The following C1GALT1C1L variants were observed in gnomAD, a reference collection of about 807,000 sequenced individuals.
The protein encoded by C1GALT1C1L is C1GALT1 specific chaperone 1 like.
Under a neutral mutation model 0.5 loss-of-function variants are expected in C1GALT1C1L, and 1 was observed. That is an observed-to-expected ratio of 2.11 (90% CI 0.75 to 10.02). C1GALT1C1L has a LOEUF of 10.02. C1GALT1C1L is among the 30% of genes most tolerant of loss of function. The pLI, the probability that C1GALT1C1L is intolerant of heterozygous loss-of-function variation, is 0.13. For synonymous variants in C1GALT1C1L, 148 were observed against 132.6 expected (o/e 1.12, Z -0.80); for missense variants, 444 against 375.5 (o/e 1.18, Z -1.51).
In C1GALT1C1L at chr2:43,675,573, C is replaced by T. The variant is rs1057419044; in HGVS notation, c.750G>A (p.Gln250=). 1.9e-6 allele frequency: 3 copies of T among 1,613,556 alleles called. No individual in the cohort carries two copies. Among genetic ancestry groups the T allele is most frequent in the African/African-American group, 2.7e-5 (2 of 74,944 alleles). Residue 250 remains glutamine, a synonymous_variant, in exon 1 of 1, where the codon CAG becomes CAA. Coordinates refer to ENST00000475092, the MANE Select transcript of C1GALT1C1L (RefSeq NM_001101330.3). The stretch of plus-strand genomic sequence containing the variant: ...TATTAGACAATGCCTCTTCAATAAG[C>T]TGTGCGATTGGTTTTGTATTAAATA... ...RDVFNTKPIA[Q]LIEEALSNNP...
rs750548400 is a variant in C1GALT1C1L, at chr2:43,675,545, G to A, written c.778C>T (p.Pro260Ser). The A allele has an allele frequency of 3.1e-6, 5 of 1,613,768 alleles. No individual in the cohort carries two copies. Among genetic ancestry groups the A allele is most frequent in the Non-Finnish European group, 4.2e-6 (5 of 1,179,870 alleles). ...QLIEEALSNN[P>S]QQVVEGCCSD... ...CAGCAGCCTTCTACTACTTGCTGAG[G>A]GTTATTAGACAATGCCTCTTCAATA... The change falls in exon 1 of 1, where the codon CCT becomes TCT. Residue 260 changes from proline to serine, a missense_variant. Transcript: ENST00000475092.
Position 43,675,453 on chromosome 2 carries a change from C to G in C1GALT1C1L, c.870G>C (p.Leu290=), listed in dbSNP as rs1477430923. 2 of 1,613,566 alleles carry G rather than the reference C, an allele frequency of 1.2e-6. No homozygotes were observed. The highest frequency in any genetic ancestry group is 1.3e-5 in the African/African-American group (1 of 75,026). ...PQKMEVMMYG[L]YRLRAFGHYF... is the part of the protein sequence containing the mutation. ...AGTGTCCAAATGCCCTGAGCCGGTACAGGCCATACATCATTACTTCCATCT... is the reference window on the plus strand; with the variant it reads ...AGTGTCCAAATGCCCTGAGCCGGTAGAGGCCATACATCATTACTTCCATCT... The change falls in exon 1 of 1, where the codon CTG becomes CTC. Residue 290 remains leucine (L), a synonymous_variant. Coordinates refer to ENST00000475092, the MANE Select transcript of C1GALT1C1L (RefSeq NM_001101330.3).
In C1GALT1C1L at chr2:43,676,000, A is replaced by G. The variant is rs1419808045; in HGVS notation, c.323T>C (p.Leu108Ser). Residue 108 changes from leucine to serine, a missense_variant, in exon 1 of 1, where the codon TTG (leucine) becomes TCG (serine). Leu to Ser is a moderately radical substitution (Grantham distance 145). Coordinates refer to ENST00000475092, the MANE Select transcript of C1GALT1C1L (RefSeq NM_001101330.3). ...CCTGTCATTACTTTCTATATTGAAC[A>G]AATTATCATTTTTAGTATCGTAGAG... Reference protein sequence around the residue: ...AELYDTKNDNLFNIESNDRWV... With the variant: ...AELYDTKNDNSFNIESNDRWV... The G allele has an allele frequency of 7.4e-6, 12 of 1,613,930 alleles. No individual in the cohort carries two copies. Among genetic ancestry groups the G allele is most frequent in the Non-Finnish European group, 1.0e-5 (12 of 1,179,902 alleles).
At position 43,676,364 on chromosome 2, in the gene C1GALT1C1L, T is replaced by C; in HGVS notation, c.-42A>G. 3 of 1,502,290 alleles carry C rather than the reference T, an allele frequency of 2.0e-6. No individual in the cohort carries two copies. The highest frequency in any genetic ancestry group is 2.7e-6 in the Non-Finnish European group (3 of 1,115,158). The allele number at this position is 1,502,290 out of a possible 1,614,324, so 93.1% of individuals were successfully genotyped here. On this transcript the variant is annotated 5_prime_UTR_variant, in exon 1 of 1. Coordinates refer to ENST00000475092, the MANE Select transcript of C1GALT1C1L (RefSeq NM_001101330.3). ...CAGTGTGCCAGGGTCAAAGGCAGCC[T>C]GGGACCGGGTCCTGGGGTCCCGCGC...
rs778443059 is a variant in C1GALT1C1L, at chr2:43,675,864, C to G, written c.459G>C (p.Lys153Asn). 1 of 1,614,064 alleles carries G rather than the reference C, an allele frequency of 6.2e-7. No homozygotes were observed. Among genetic ancestry groups the G allele is most frequent in the Non-Finnish European group, 8.5e-7 (1 of 1,179,954 alleles). ...PTTFAVIENLKYLLFTRDASQ... is the reference protein window; with the variant it reads ...PTTFAVIENLNYLLFTRDASQ... ...ATGCATCCCTTGTAAACAAAAGGTACTTTAAATTTTCAATGACAGCAAACG... is the reference window on the plus strand; with the variant it reads ...ATGCATCCCTTGTAAACAAAAGGTAGTTTAAATTTTCAATGACAGCAAACG... Residue 153 changes from lysine (K) to asparagine (N), a missense_variant, in exon 1 of 1, where the codon AAG becomes AAC. Transcript: ENST00000475092.
Position 43,676,155 on chromosome 2 carries a change from A to T in C1GALT1C1L, c.168T>A (p.Thr56=). 6.2e-7 allele frequency: 1 copy of T among 1,614,038 alleles called. No individual in the cohort carries two copies. Among genetic ancestry groups the T allele is most frequent in the Non-Finnish European group, 8.5e-7 (1 of 1,179,900 alleles). ...RPPNRNDFLN[T]SKVILLELSK... ...TGAGCTCCAAGAGTATCACTTTTGA[A>T]GTGTTTAAGAAATCGTTCCTGTTAG... Residue 56 remains threonine (T), a synonymous_variant, in exon 1 of 1, where the codon ACT becomes ACA. Transcript: ENST00000475092.
chr2:43,675,775 C>G lies in C1GALT1C1L; in HGVS notation c.548G>C (p.Gly183Ala), dbSNP rs752900759. ...CAACTCTCTGCTTAAGACAATCCCT[C>G]CTTCCACAGTCACGTATTCGAGGTC... ...FGDLEYVTVE[G>A]GIVLSRELMK... Residue 183 changes from glycine to alanine, a missense_variant, in exon 1 of 1, where the codon GGA (glycine) becomes GCA (alanine). Gly to Ala is a moderately conservative substitution (Grantham distance 60, BLOSUM62 0). Transcript: ENST00000475092. 1.9e-6 allele frequency: 3 copies of G among 1,613,690 alleles called. No individual in the cohort carries two copies. Among genetic ancestry groups the G allele is most frequent in the South Asian group, 2.2e-5 (2 of 90,998 alleles).
Position 43,675,811 on chromosome 2 carries a change from A to G in C1GALT1C1L, c.512T>C (p.Val171Ala), listed in dbSNP as rs1006929892. 6.2e-6 allele frequency: 10 copies of G among 1,613,778 alleles called. No homozygotes were observed. In the East Asian group the frequency reaches 1.3e-4, roughly 22 times the overall value. The change falls in exon 1 of 1, where the codon GTT becomes GCT. Residue 171 changes from valine (V) to alanine (A), a missense_variant. Val to Ala is a moderately conservative substitution (Grantham distance 64, BLOSUM62 0). Transcript: ENST00000475092. Reference protein sequence around the residue: ...ASQPFYLGHTVIFGDLEYVTV... With the variant: ...ASQPFYLGHTAIFGDLEYVTV... ...CACGTATTCGAGGTCTCCAAATATA[A>G]CAGTGTGGCCCAGATAGAAGGGCTG...
chr2:43,676,129 C>G lies in C1GALT1C1L; in HGVS notation c.194G>C (p.Ser65Thr). ...NTSKVILLEL[S>T]KSIRVFCIIF... The stretch of plus-strand genomic sequence containing the variant: ...GATACAGAAAACACGAATACTTTTA[C>G]TGAGCTCCAAGAGTATCACTTTTGA... Residue 65 changes from serine (S) to threonine (T), a missense_variant, in exon 1 of 1, where the codon AGT (serine) becomes ACT (threonine). Ser to Thr is a moderately conservative substitution (Grantham distance 58, BLOSUM62 1). Transcript: ENST00000475092. 9.3e-6 allele frequency: 15 copies of G among 1,614,010 alleles called. No homozygotes were observed. Among genetic ancestry groups the G allele is most frequent in the African/African-American group, 1.3e-5 (1 of 75,060 alleles).
chr2:43,676,139 A>G lies in C1GALT1C1L; in HGVS notation c.184T>C (p.Leu62=), dbSNP rs770255537. The G allele has an allele frequency of 1.9e-6, 3 of 1,614,022 alleles. No homozygotes were observed. Among genetic ancestry groups the G allele is most frequent in the Non-Finnish European group, 1.7e-6 (2 of 1,179,886 alleles). The change falls in exon 1 of 1, where the codon TTG becomes CTG. Residue 62 remains leucine (L), a synonymous_variant. Transcript: ENST00000475092. The part of the protein sequence containing the change: ...DFLNTSKVIL[L]ELSKSIRVFC... ...ACACGAATACTTTTACTGAGCTCCA[A>G]GAGTATCACTTTTGAAGTGTTTAAG...
Position 43,676,062 on chromosome 2 carries a change from C to T in C1GALT1C1L, c.261G>A (p.Leu87=), listed in dbSNP as rs1194704884. The T allele has an allele frequency of 4.3e-6, 7 of 1,613,750 alleles. No individual in the cohort carries two copies. Among genetic ancestry groups the T allele is most frequent in the African/African-American group, 1.3e-5 (1 of 74,898 alleles). Residue 87 remains leucine (L), a synonymous_variant, in exon 1 of 1, where the codon CTG becomes CTA. Transcript: ENST00000475092. ...CACAGTGTTTGGTCCAGGTCTCTTT[C>T]AGTACAGCCCAGTAACTCTCATCTT... ...ESEDESYWAV[L]KETWTKHCDK... is the part of the protein sequence containing the mutation.
Position 43,675,691 on chromosome 2 carries a change from A to C in C1GALT1C1L, c.632T>G (p.Ile211Ser), listed in dbSNP as rs1294348491. The change falls in exon 1 of 1, where the codon ATT becomes AGT. Residue 211 changes from isoleucine (I) to serine (S), a missense_variant. Transcript: ENST00000475092. Reference protein sequence around the residue: ...NSETCADQSVIWKLSEDKQLA... With the variant: ...NSETCADQSVSWKLSEDKQLA... ...CTGCTTATCTTCAGATAACTTCCAA[A>C]TCACACTTTGATCTGCACAGGTCTC... 2 of 1,613,818 alleles carry C rather than the reference A, an allele frequency of 1.2e-6. No individual in the cohort carries two copies. The highest frequency in any genetic ancestry group is 1.7e-6 in the Non-Finnish European group (2 of 1,179,888).
Position 43,675,991 on chromosome 2 carries a change from A to C in C1GALT1C1L, c.332T>G (p.Ile111Arg). 6.2e-7 allele frequency: 1 copy of C among 1,613,974 alleles called. No individual in the cohort carries two copies. Among genetic ancestry groups the C allele is most frequent in the Non-Finnish European group, 8.5e-7 (1 of 1,179,886 alleles). ...CTGTACCCACCTGTCATTACTTTCT[A>C]TATTGAACAAATTATCATTTTTAGT... ...YDTKNDNLFN[I>R]ESNDRWVQMR... Residue 111 changes from isoleucine (I) to arginine (R), a missense_variant, in exon 1 of 1, where the codon ATA becomes AGA. Ile to Arg is a moderately conservative substitution (Grantham distance 97). Transcript: ENST00000475092.
Position 43,676,156 on chromosome 2 carries a change from G to T in C1GALT1C1L, c.167C>A (p.Thr56Asn), listed in dbSNP as rs1437881063. The change falls in exon 1 of 1, where the codon ACT becomes AAT. Residue 56 changes from threonine (T) to asparagine (N), a missense_variant. Transcript: ENST00000475092. Reference sequence around the variant, plus strand: ...GAGCTCCAAGAGTATCACTTTTGAAGTGTTTAAGAAATCGTTCCTGTTAGG... The same window carrying T: ...GAGCTCCAAGAGTATCACTTTTGAATTGTTTAAGAAATCGTTCCTGTTAGG... ...RPPNRNDFLN[T>N]SKVILLELSK... The T allele has an allele frequency of 1.2e-6, 2 of 1,614,030 alleles. No individual in the cohort carries two copies. Among genetic ancestry groups the T allele is most frequent in the Non-Finnish European group, 1.7e-6 (2 of 1,179,906 alleles).
chr2:43,676,016 T>G lies in C1GALT1C1L; in HGVS notation c.307A>C (p.Thr103Pro). 1 of 1,614,048 alleles carries G rather than the reference T, an allele frequency of 6.2e-7. No homozygotes were observed. The highest frequency in any genetic ancestry group is 8.5e-7 in the Non-Finnish European group (1 of 1,179,900). The part of the protein sequence containing the change: ...KHCDKAELYD[T>P]KNDNLFNIES... ...ATATTGAACAAATTATCATTTTTAG[T>G]ATCGTAGAGCTCTGCTTTGTCACAG... The change falls in exon 1 of 1, where the codon ACT becomes CCT. Residue 103 changes from threonine to proline, a missense_variant. By Grantham distance (38) the Thr-to-Pro change is conservative (BLOSUM62 -1). Coordinates refer to ENST00000475092, the MANE Select transcript of C1GALT1C1L (RefSeq NM_001101330.3).
In C1GALT1C1L at chr2:43,676,070, C is replaced by G; in HGVS notation, c.253G>C (p.Ala85Pro). The change falls in exon 1 of 1, where the codon GCT becomes CCT. Residue 85 changes from alanine (A) to proline (P), a missense_variant. By Grantham distance (27) the Ala-to-Pro change is conservative. Coordinates refer to ENST00000475092, the MANE Select transcript of C1GALT1C1L (RefSeq NM_001101330.3). The stretch of plus-strand genomic sequence containing the variant: ...TTGGTCCAGGTCTCTTTCAGTACAG[C>G]CCAGTAACTCTCATCTTCGGATTCT... ...FGESEDESYW[A>P]VLKETWTKHC... The G allele has an allele frequency of 1.2e-6, 2 of 1,613,794 alleles. No individual in the cohort carries two copies. Among genetic ancestry groups the G allele is most frequent in the Non-Finnish European group, 1.7e-6 (2 of 1,179,794 alleles).
Position 43,675,154 on chromosome 2 carries a change from A to AT in C1GALT1C1L, c.*220dup, listed in dbSNP as rs1558459115. The AT allele has an allele frequency of 5.0e-6, 2 of 399,456 alleles. No homozygotes were observed. The highest frequency in any genetic ancestry group is 7.5e-5 in the East Asian group (2 of 26,780). The allele number at this position is 399,456 out of a possible 1,614,324, so 24.7% of individuals were successfully genotyped here. A position where few individuals can be genotyped will look rare whatever the true frequency, so the allele number is the denominator to read the frequency against. On this transcript the variant is annotated 3_prime_UTR_variant, in exon 1 of 1. Coordinates refer to ENST00000475092, the MANE Select transcript of C1GALT1C1L (RefSeq NM_001101330.3). ...TAAAATTAAAAAGCAGGTGAAATTA[A>AT]TTTTAATAGTATATTTTATTTAATG...
Position 43,675,642 on chromosome 2 carries a change from T to A in C1GALT1C1L, c.681A>T (p.Ala227=). Residue 227 remains alanine, a synonymous_variant, in exon 1 of 1, where the codon GCA becomes GCT. Coordinates refer to ENST00000475092, the MANE Select transcript of C1GALT1C1L (RefSeq NM_001101330.3). ...DKQLAICLKY[A]GVHAENAEDY... ...CCTCTGCATTTTCTGCATGAACTCC[T>A]GCATATTTCAGGCATATTGCCAGCT... is the stretch of plus-strand genomic sequence containing the variant. The A allele has an allele frequency of 6.2e-7, 1 of 1,613,974 alleles. No individual in the cohort carries two copies. The highest frequency in any genetic ancestry group is 8.5e-7 in the Non-Finnish European group (1 of 1,179,884).
At position 43,675,372 on chromosome 2, in the gene C1GALT1C1L, G is replaced by C. The variant is rs755862; in HGVS notation, c.*3C>G. On this transcript the variant is annotated 3_prime_UTR_variant, in exon 1 of 1. Coordinates refer to ENST00000475092, the MANE Select transcript of C1GALT1C1L (RefSeq NM_001101330.3). ...ACAGCACAGGTCTATTATTCTCCAG[G>C]CCTCAGTCATTTTCTGAACCAACTG... is the stretch of plus-strand genomic sequence containing the variant. The C allele has an allele frequency of 0.69, 1,075,647 of 1,563,192 alleles. 377,429 individuals are homozygous for C. Among genetic ancestry groups the C allele is most frequent in the Middle Eastern group, 0.73 (4,246 of 5,794 alleles).
Sources: gnomAD v4.1 joint callset for allele counts on GRCh38, gnomAD v4.1.1 for gene constraint, MANE v1.5 for transcripts, NCBI Gene and HGNC (gene_info 2026-07-23, HGNC 2026-07-21) for gene names.